Variants in CD48 observed in about 807,000 individuals in gnomAD.
CD48 encodes CD48 antigen.
CD48 carries 20 observed loss-of-function variants against 22.0 expected under a neutral mutation model. That is an observed-to-expected ratio of 0.91 (90% CI 0.64 to 1.32). The LOEUF is 1.32. Ranked by LOEUF, CD48 falls within the 40% of genes most tolerant of loss-of-function variation. CD48 has a pLI of 0.00. For synonymous variants in CD48, 110 were observed against 110.1 expected (o/e 1.00, Z 0.01); for missense variants, 307 against 286.5 (o/e 1.07, Z -0.52).
Position 160,704,759 on chromosome 1 carries a change from A to G in CD48, c.82+6923T>C, listed in dbSNP as rs578007333. Among the ~76,000 whole-genome samples, 11 of 151,900 alleles carry G rather than the reference A, an allele frequency of 7.2e-5. No individual in the cohort carries two copies. The South Asian group carries it at 2.1e-3, about 29-fold the overall frequency. ...TCTAATTGAATTTATTTTTGTTCCT[A>G]TTTGTATTTCCAGTTTTGTTCTTTT... On this transcript the variant is annotated intron_variant, in intron 1 of 3. Coordinates refer to ENST00000368046, the MANE Select transcript of CD48 (RefSeq NM_001778.4).
intron 1 of CD48, among the ~76,000 whole-genome samples, chr1:160,693,708 C>T (rs921391128): frequency 2.1e-5 from 3 of 142,720 alleles, no homozygotes; most frequent in South Asian, 2.2e-4. Context: ...CAATCATTGT[C>T]GGGAAACTAC....
chr1:160,693,549 TA>T (rs1174162730), intron 1 of CD48, among the ~76,000 whole-genome samples: 1 of 152,302 alleles, frequency 6.6e-6, no homozygotes, highest in East Asian at 1.9e-4. Context: ...ATTGGTCATT[TA>T]AAAAAGAATT....
chr1:160,702,943 T>C lies in CD48; in HGVS notation c.82+8739A>G, dbSNP rs570310695. 6.6e-4 allele frequency among the ~76,000 whole-genome samples: 101 copies of C among 152,280 alleles called. 1 individual carries two copies. The highest frequency in any genetic ancestry group is 2.4e-3 in the African/African-American group (101 of 41,558). ...GATTTTTGAACAGCATCTTGTAATT[T>C]AGCCAAAAAATCTGGGTATAATTCA... On this transcript the variant is annotated intron_variant, in intron 1 of 3. Transcript: ENST00000368046.
chr1:160,705,319 G>C (rs1013167881), intron 1 of CD48, among the ~76,000 whole-genome samples: 1 of 152,084 alleles, frequency 6.6e-6, no homozygotes, highest in East Asian at 1.9e-4. Context: ...TAATCCCTCT[G>C]ACAGAATAAG....
intron 1 of CD48, among the ~76,000 whole-genome samples, chr1:160,702,173 C>T (rs889505461): frequency 2.0e-5 from 3 of 152,242 alleles, no homozygotes; most frequent in African/African-American, 4.8e-5. Flanking sequence ...CTCTACCTAA[C>T]ACCAGGCCCA....
At chr1:160,710,844 C>T (rs962709241) in intron 1 of CD48, among the ~76,000 whole-genome samples, 13 of 152,198 alleles carry the variant, frequency 8.5e-5, no homozygotes, top group African/African-American at 3.1e-4. Flanking sequence ...GTGACTACCA[C>T]ATGTTTGTTG....
chr1:160,693,107 C>G (rs913627134), intron 1 of CD48, among the ~76,000 whole-genome samples: 2 of 152,278 alleles, frequency 1.3e-5, no homozygotes, highest in Non-Finnish European at 2.9e-5. Flanking sequence ...TATTAGTCAA[C>G]AAGCATTAAT....
intron 1 of CD48, among the ~76,000 whole-genome samples, chr1:160,703,658 T>C (rs1320139262): frequency 2.6e-5 from 4 of 152,142 alleles, no homozygotes; most frequent in Non-Finnish European, 4.4e-5. Context: ...AAGGAGATGA[T>C]AACTGCCATG....
chr1:160,701,405 T>C (rs911645160), intron 1 of CD48, among the ~76,000 whole-genome samples: 1 of 151,910 alleles, frequency 6.6e-6, no homozygotes, highest in Non-Finnish European at 1.5e-5. Flanking sequence ...ATTTAAAGCC[T>C]CCAGTTTTTC....
In CD48 at chr1:160,679,075, T is replaced by C. The variant is rs540524522; in HGVS notation, c.709A>G (p.Ile237Val). Residue 237 changes from isoleucine (I) to valine (V), a missense_variant, in exon 4 of 4, where the codon ATT becomes GTT. Transcript: ENST00000368046. Reference protein sequence around the residue: ...ASWLVVTVPTILGLLLT With the variant: ...ASWLVVTVPTVLGLLLT ...TCTCAGGTAAGTAACAGGCCAAGAA[T>C]GGTGGGCACCGTGACCACTAGCCAA... is the stretch of plus-strand genomic sequence containing the variant. 3 of 1,613,958 alleles carry C rather than the reference T, an allele frequency of 1.9e-6. No homozygotes were observed. Among genetic ancestry groups the C allele is most frequent in the East Asian group, 4.5e-5 (2 of 44,898 alleles).
intron 1 of CD48, among the ~76,000 whole-genome samples, chr1:160,700,785 ATCTC>A (rs1662604933): frequency 6.6e-6 from 1 of 152,176 alleles, no homozygotes; most frequent in Admixed American, 6.5e-5. Context: ...TTTTTAAAGA[ATCTC>A]TCCTAATTTG....
chr1:160,700,011 C>T (rs1298648378), intron 1 of CD48, among the ~76,000 whole-genome samples: 1 of 152,114 alleles, frequency 6.6e-6, no homozygotes, highest in Non-Finnish European at 1.5e-5. Flanking sequence ...GCAACCCACC[C>T]CTTCATGAGA....
Position 160,685,193 on chromosome 1 carries a change from C to A in CD48, c.83-4G>T. ...ACGGTCATATGTACCAAGTGACCTG[C>A]CAATGAGATTCAGAGTGAGACCTGC... is the stretch of plus-strand genomic sequence containing the variant. On this transcript the variant is annotated splice_polypyrimidine_tract_variant and splice_region_variant and intron_variant, in intron 1 of 3. Coordinates refer to ENST00000368046, the MANE Select transcript of CD48 (RefSeq NM_001778.4). The A allele has an allele frequency of 6.3e-7, 1 of 1,599,088 alleles. No individual in the cohort carries two copies. The highest frequency in any genetic ancestry group is 8.5e-7 in the Non-Finnish European group (1 of 1,170,034).
At chr1:160,710,692 C>T (rs1662922952) in intron 1 of CD48, among the ~76,000 whole-genome samples, 1 of 152,182 alleles carries the variant, frequency 6.6e-6, no homozygotes, top group Non-Finnish European at 1.5e-5. Flanking sequence ...GTCAGGCCCA[C>T]AGAACCTATA....
At chr1:160,692,134 T>G (rs1558034076) in intron 1 of CD48, 1 of 152,860 alleles carries the variant, frequency 6.5e-6, no homozygotes, top group South Asian at 2.1e-4. Flanking sequence ...ACTTACAGTA[T>G]GGAATGATTG....
chr1:160,704,806 A>T (rs1208580727), intron 1 of CD48, among the ~76,000 whole-genome samples: 1 of 151,902 alleles, frequency 6.6e-6, no homozygotes, highest in East Asian at 1.9e-4. Context: ...TTTTCATGAG[A>T]ATACTCCAAA....
intron 1 of CD48, among the ~76,000 whole-genome samples, chr1:160,706,766 T>C (rs1423692497): frequency 6.6e-6 from 1 of 152,144 alleles, no homozygotes; most frequent in African/African-American, 2.4e-5. Context: ...TGCCCGCCCA[T>C]GTTTCTAGTC....
chr1:160,684,763 C>G, intron 2 of CD48, 124 bp downstream of exon 2: 1 of 1,606,442 alleles, frequency 6.2e-7, no homozygotes, highest in African/African-American at 1.3e-5. Flanking sequence ...AAAAATGAAT[C>G]AAACCTGTCC....
chr1:160,705,786 C>CT (rs1259515536), intron 1 of CD48, among the ~76,000 whole-genome samples: 1 of 152,112 alleles, frequency 6.6e-6, no homozygotes, highest in Non-Finnish European at 1.5e-5. Flanking sequence ...CCACATAATT[C>CT]TTTTTTGTAG....
Sources: gnomAD v4.1 joint callset for allele counts (sites outside exome capture counted in the v4.1 genomes callset) on GRCh38, gnomAD v4.1.1 for gene constraint, MANE v1.5 for transcripts, NCBI Gene and HGNC (gene_info 2026-07-23, HGNC 2026-07-21) for gene names.